Variants in PICALM observed in about 807,000 individuals in gnomAD.
PICALM encodes phosphatidylinositol binding clathrin assembly protein, also known as phosphatidylinositol-binding clathrin assembly protein.
A neutral mutation model predicts 80.5 loss-of-function variants in PICALM; 40 were observed. The ratio of observed to expected loss-of-function variants is 0.50; its 90% CI spans 0.39 to 0.65. The LOEUF is 0.65. Among genes scored for constraint, PICALM ranks in the 30% least tolerant of loss-of-function variants. The pLI, the probability that PICALM is intolerant of heterozygous loss-of-function variation, is 0.00. For missense variants in PICALM, 676 were observed against 778.9 expected, an observed-to-expected ratio of 0.87 and a Z score of 1.57; for synonymous variants, 288 against 260.3, an observed-to-expected ratio of 1.11 and a Z score of -1.02.
At chr11:86,001,750 T>C (rs2095152250) in intron 9 of PICALM, among the ~76,000 whole-genome samples, 1 of 152,224 alleles carries the variant, frequency 6.6e-6, no homozygotes, top group Non-Finnish European at 1.5e-5. Context: ...AATTTCCTTT[T>C]TAATATACAT....
At chr11:86,059,098 T>C (rs186121336) in intron 1 of PICALM, among the ~76,000 whole-genome samples, 107 of 152,298 alleles carry the variant, frequency 7.0e-4, no homozygotes, top group African/African-American at 2.4e-3. Context: ...TTACTGACTC[T>C]ATATATAAAT....
At chr11:86,057,012 G>C (rs369101232) in intron 1 of PICALM, among the ~76,000 whole-genome samples, 4 of 152,162 alleles carry the variant, frequency 2.6e-5, no homozygotes, top group African/African-American at 9.7e-5. Flanking sequence ...GGGCCGAGGA[G>C]AGCTTAGGAG....
chr11:86,041,448 A>T (rs192131369), intron 1 of PICALM, among the ~76,000 whole-genome samples: 1 of 152,256 alleles, frequency 6.6e-6, no homozygotes, highest in Admixed American at 6.5e-5. Flanking sequence ...CACAGAAGAG[A>T]TTTTTTAAAA....
chr11:86,046,640 T>A (rs1330864470), intron 1 of PICALM, among the ~76,000 whole-genome samples: 1 of 152,190 alleles, frequency 6.6e-6, no homozygotes, highest in Non-Finnish European at 1.5e-5. Flanking sequence ...AATTTCTTCA[T>A]CAACTGGGAA....
At chr11:86,059,236 C>G (rs901571669) in intron 1 of PICALM, among the ~76,000 whole-genome samples, 15 of 152,144 alleles carry the variant, frequency 9.9e-5, no homozygotes, top group Non-Finnish European at 1.9e-4. Context: ...TATAATCATT[C>G]AATATTTACT....
chr11:86,029,845 C>CT (rs1329944504), intron 2 of PICALM, among the ~76,000 whole-genome samples: 1 of 152,156 alleles, frequency 6.6e-6, no homozygotes, highest in African/African-American at 2.4e-5. Context: ...TACATTTAAG[C>CT]TAATACAGCC....
chr11:85,972,183 T>C (rs1430206591), intron 19 of PICALM, among the ~76,000 whole-genome samples: 1 of 152,226 alleles, frequency 6.6e-6, no homozygotes, highest in Non-Finnish European at 1.5e-5. Flanking sequence ...GGTTGAAGGT[T>C]ATTACCCAAA....
intron 1 of PICALM, among the ~76,000 whole-genome samples, chr11:86,062,352 A>G (rs2096381548): frequency 6.6e-6 from 1 of 152,070 alleles, no homozygotes; most frequent in Non-Finnish European, 1.5e-5. Flanking sequence ...CCCCATCTCT[A>G]TCAAAAATAC....
chr11:86,056,215 C>T (rs1190481537), intron 1 of PICALM, among the ~76,000 whole-genome samples: 1 of 133,504 alleles, frequency 7.5e-6, no homozygotes, highest in South Asian at 2.4e-4. Flanking sequence ...GACATTGTAT[C>T]AAGAAAGTGA....
intron 19 of PICALM, among the ~76,000 whole-genome samples, chr11:85,962,963 G>A (rs1224036956): frequency 6.6e-6 from 1 of 152,120 alleles, no homozygotes; most frequent in Admixed American, 6.6e-5. Context: ...AGAAGGAAAG[G>A]AAATGTGCTT....
intron 6 of PICALM, among the ~76,000 whole-genome samples, chr11:86,011,851 GTTTTTTTTT>G (rs71040204): frequency 7.5e-6 from 1 of 132,974 alleles, no homozygotes; most frequent in Non-Finnish European, 1.6e-5. Flanking sequence ...TATCCTTTTT[GTTTTTTTTT>G]TTTTTTTGAA....
intron 1 of PICALM, among the ~76,000 whole-genome samples, chr11:86,057,301 G>C (rs959896241): frequency 5.3e-5 from 8 of 152,194 alleles, no homozygotes; most frequent in African/African-American, 1.9e-4. Flanking sequence ...CACTTTGGGA[G>C]GCCGAGAGGC....
chr11:85,982,665 G>A (rs898871587), intron 14 of PICALM, among the ~76,000 whole-genome samples: 1 of 148,688 alleles, frequency 6.7e-6, no homozygotes, highest in East Asian at 2.0e-4. Context: ...CTGACCTCAT[G>A]ATCCACCCGC....
intron 4 of PICALM, among the ~76,000 whole-genome samples, chr11:86,015,277 T>A (rs1592937042): frequency 6.6e-6 from 1 of 152,206 alleles, no homozygotes; most frequent in East Asian, 1.9e-4. Flanking sequence ...AATGATCTGA[T>A]CCTCACAATC....
intron 2 of PICALM, among the ~76,000 whole-genome samples, chr11:86,028,522 C>T (rs2095689621): frequency 6.6e-6 from 1 of 152,190 alleles, no homozygotes; most frequent in Non-Finnish European, 1.5e-5. Flanking sequence ...TTTAACTCTA[C>T]ATTTTCATGT....
chr11:86,050,742 G>A (rs1263094489), intron 1 of PICALM, among the ~76,000 whole-genome samples: 1 of 152,050 alleles, frequency 6.6e-6, no homozygotes, highest in Non-Finnish European at 1.5e-5. Flanking sequence ...CACACCCTCA[G>A]CTGATCCCCC....
intron 2 of PICALM, among the ~76,000 whole-genome samples, chr11:86,030,116 TAAA>T (rs565583366): frequency 6.6e-6 from 1 of 152,054 alleles, no homozygotes; most frequent in Non-Finnish European, 1.5e-5. Context: ...CTAAAGATGA[TAAA>T]AAAATACAAC....
At chr11:86,013,940 T>C (rs753242595) in intron 5 of PICALM, among the ~76,000 whole-genome samples, 4 of 152,212 alleles carry the variant, frequency 2.6e-5, no homozygotes, top group Non-Finnish European at 5.9e-5. Context: ...GACACTGAAG[T>C]TGGAATTTCA....
At chr11:86,006,020 C>T (rs1203367285) in intron 8 of PICALM, among the ~76,000 whole-genome samples, 1 of 152,112 alleles carries the variant, frequency 6.6e-6, no homozygotes, top group Non-Finnish European at 1.5e-5. Flanking sequence ...ATGATGACGG[C>T]CTGTAACTTC....
Sources: gnomAD v4.1 joint callset for allele counts (sites outside exome capture counted in the v4.1 genomes callset) on GRCh38, gnomAD v4.1.1 for gene constraint, MANE v1.5 for transcripts, NCBI Gene and HGNC (gene_info 2026-07-23, HGNC 2026-07-21) for gene names.